NPIPB2: variants seen among roughly 807,000 people sequenced by gnomAD.
NPIPB2 encodes the protein nuclear pore complex-interacting protein family member B2.
NPIPB2 carries 27 observed loss-of-function variants against 30.8 expected under a neutral mutation model. The observed-to-expected ratio is 0.88, with a 90% CI of 0.65 to 1.21. The LOEUF (loss-of-function observed/expected upper bound fraction) is 1.21, where lower values mean the gene tolerates loss of function less well. Among genes scored for constraint, NPIPB2 ranks in the 50% most tolerant of loss-of-function variants. NPIPB2 has a pLI of 0.00. For synonymous variants in NPIPB2, 147 were observed against 162.0 expected, an observed-to-expected ratio of 0.91 and a Z score of 0.70; for missense variants, 440 against 446.2, an observed-to-expected ratio of 0.99 and a Z score of 0.13.
intron 1 of NPIPB2, among the ~76,000 whole-genome samples, chr16:11,949,541 T>A (rs768413651): frequency 6.6e-6 from 1 of 152,224 alleles, no homozygotes; most frequent in African/African-American, 2.4e-5. Flanking sequence ...AGAACCCGGA[T>A]AACTAAATCA....
intron 1 of NPIPB2, among the ~76,000 whole-genome samples, chr16:11,950,223 A>T (rs2055050123): frequency 6.6e-6 from 1 of 151,936 alleles, no homozygotes; most frequent in African/African-American, 2.4e-5. Context: ...AGTAGTAGTG[A>T]TGGGGTTTCG....
At chr16:11,947,515 T>G (rs1402006989) in intron 1 of NPIPB2, among the ~76,000 whole-genome samples, 17 of 151,348 alleles carry the variant, frequency 1.1e-4, no homozygotes, top group Non-Finnish European at 2.5e-4. Context: ...CCGCTAATTT[T>G]TTGTACTTTT....
intron 1 of NPIPB2, among the ~76,000 whole-genome samples, chr16:11,939,261 C>T (rs1055994439): frequency 2.0e-5 from 3 of 150,980 alleles, no homozygotes; most frequent in African/African-American, 4.9e-5. Flanking sequence ...AATTTTAGTG[C>T]TTAAAAATTA....
intron 1 of NPIPB2, among the ~76,000 whole-genome samples, chr16:11,975,659 C>T (rs986660443): frequency 1.3e-5 from 2 of 151,688 alleles, no homozygotes; most frequent in African/African-American, 2.4e-5. Flanking sequence ...GGTGGGATCT[C>T]GGCTCACTGA....
At chr16:11,948,537 C>A (rs1018234858) in intron 1 of NPIPB2, among the ~76,000 whole-genome samples, 30 of 151,858 alleles carry the variant, frequency 2.0e-4, no homozygotes, top group Non-Finnish European at 2.9e-4. Flanking sequence ...GAGCCCGAGG[C>A]GGATGGATCA....
rs543092872 is a variant in NPIPB2 at position 11,971,103 on chromosome 16, G to A, written c.-584+5465C>T. On this transcript the variant is annotated intron_variant, in intron 1 of 5. Coordinates refer to the NPIPB2 transcript ENST00000538896. ...AACTCCTGGGCTCAAGCGATCCTCC[G>A]ACCTTGGCCTCCCAAAGTGCTGGGA... 3.9e-5 allele frequency among the ~76,000 whole-genome samples: 5 copies of A among 126,600 alleles called. No homozygotes were observed. In the South Asian group the frequency reaches 1.3e-3, roughly 33 times the overall value. The allele number at this position is 126,600 out of a possible 152,430, so 83.1% of individuals were successfully genotyped here.
intron 1 of NPIPB2, among the ~76,000 whole-genome samples, chr16:11,969,157 G>A (rs774186111): frequency 6.6e-5 from 10 of 152,068 alleles, no homozygotes; most frequent in African/African-American, 2.4e-4. Flanking sequence ...GTGAGCTATC[G>A]CGCCCGGCCC....
At chr16:11,947,070 T>A (rs1014888565) in intron 1 of NPIPB2, among the ~76,000 whole-genome samples, 3 of 129,168 alleles carry the variant, frequency 2.3e-5, no homozygotes, top group African/African-American at 5.2e-5. Context: ...GGTATATATA[T>A]AAACATATAT....
At chr16:11,974,341 G>T (rs1472241335) in intron 1 of NPIPB2, among the ~76,000 whole-genome samples, 1 of 151,894 alleles carries the variant, frequency 6.6e-6, no homozygotes, top group African/African-American at 2.4e-5. Context: ...GGTGAAAGCC[G>T]ATCTCTACTA....
chr16:11,931,972 G>A (rs1456723558), intron 4 of NPIPB2, among the ~76,000 whole-genome samples: 3 of 150,746 alleles, frequency 2.0e-5, no homozygotes, highest in South Asian at 2.1e-4. Context: ...TTGCACACAT[G>A]CGTGGGATTA....
intron 1 of NPIPB2, among the ~76,000 whole-genome samples, chr16:11,952,095 C>A (rs2055071477): frequency 6.8e-6 from 1 of 147,394 alleles, no homozygotes; most frequent in Non-Finnish European, 1.5e-5. Context: ...GGAGGCGGCG[C>A]TTGCAGTGAG....
At chr16:11,954,935 T>G (rs1294218112) in intron 1 of NPIPB2, among the ~76,000 whole-genome samples, 1 of 151,976 alleles carries the variant, frequency 6.6e-6, no homozygotes, top group African/African-American at 2.4e-5. Flanking sequence ...TTTTGCTATT[T>G]AAAAACAACA....
At chr16:11,940,500 A>G (rs1012965829) in intron 1 of NPIPB2, among the ~76,000 whole-genome samples, 3 of 150,410 alleles carry the variant, frequency 2.0e-5, no homozygotes, top group African/African-American at 7.4e-5. Context: ...CAGCACTGGG[A>G]GGCTGAGGCA....
intron 1 of NPIPB2, chr16:11,967,562 A>G (rs191777818): frequency 1.2e-6 from 2 of 1,607,084 alleles, no homozygotes; most frequent in Non-Finnish European, 1.7e-6. Context: ...CCGTTTCTAC[A>G]TAATTAGGAT....
At chr16:11,934,857 CA>C (rs200493261) in intron 2 of NPIPB2, among the ~76,000 whole-genome samples, 23,172 of 96,880 alleles carry the variant, frequency 0.24, 2,084 homozygotes, top group East Asian at 0.48. Context: ...GACTCTGTCT[CA>C]AAAAAAAAAA....
intron 1 of NPIPB2, chr16:11,966,277 C>T (rs753224006): frequency 3.0e-5 from 49 of 1,613,810 alleles, no homozygotes; most frequent in Non-Finnish European, 3.7e-5. Context: ...TGGCAGTTTT[C>T]GTGCTAATGT....
intron 1 of NPIPB2, among the ~76,000 whole-genome samples, chr16:11,974,300 C>T (rs1246332747): frequency 6.6e-6 from 1 of 151,468 alleles, no homozygotes; most frequent in Admixed American, 6.6e-5. Flanking sequence ...GGTGGATCAC[C>T]TGAGGTCAGG....
chr16:11,947,640 G>A (rs1334150048), intron 1 of NPIPB2, among the ~76,000 whole-genome samples: 1 of 151,322 alleles, frequency 6.6e-6, no homozygotes, highest in African/African-American at 2.4e-5. Flanking sequence ...CACCGCTCCT[G>A]GCCACATATA....
intron 1 of NPIPB2, among the ~76,000 whole-genome samples, chr16:11,961,582 C>G (rs1009928650): frequency 4.6e-5 from 7 of 151,614 alleles, no homozygotes; most frequent in Non-Finnish European, 1.0e-4. Flanking sequence ...GAGTTCGAGA[C>G]CAGCCTGGCC....
Sources: gnomAD v4.1 joint callset for allele counts (sites outside exome capture counted in the v4.1 genomes callset) on GRCh38, gnomAD v4.1.1 for gene constraint, MANE v1.5 for transcripts, NCBI Gene and HGNC (gene_info 2026-07-23, HGNC 2026-07-21) for gene names.